EVC2: variants seen among roughly 807,000 people sequenced by gnomAD.
EVC2 encodes the protein EvC ciliary complex subunit 2.
Under a neutral mutation model 149.3 loss-of-function variants are expected in EVC2, and 148 were observed. The ratio of observed to expected loss-of-function variants is 0.99; its 90% CI spans 0.87 to 1.14. The LOEUF (loss-of-function observed/expected upper bound fraction) is 1.14. Among genes scored for constraint, EVC2 ranks in the 50% most tolerant of loss-of-function variants. EVC2 has a pLI of 0.00. For missense variants in EVC2, 1,854 were observed against 1,627.3 expected (o/e 1.14, Z -2.40); for synonymous variants, 776 against 649.9 (o/e 1.19, Z -2.95).
At position 5,618,754 on chromosome 4, in the gene EVC2, G is replaced by A. The variant is rs1715467857; in HGVS notation, c.2502-72C>T. The A allele has an allele frequency of 2.0e-5, 28 of 1,390,204 alleles. No individual in the cohort carries two copies. In the South Asian group the frequency reaches 3.5e-4, roughly 17 times the overall value. 86.1% of individuals were successfully genotyped at this position (1,390,204 alleles called of 1,614,324 possible). On this transcript the variant is annotated intron_variant, in intron 14 of 21. Coordinates refer to ENST00000344408, the MANE Select transcript of EVC2 (RefSeq NM_147127.5). The surrounding 1 kb of genome is among the most constrained non-coding windows in gnomAD (Gnocchi z 4.4). ...GGGCTGGGCTGGGGTGAAGAAGCCA[G>A]AGATGCAAAGCTCATTCCTCATATC...
intron 16 of EVC2, among the ~76,000 whole-genome samples, chr4:5,596,858 C>T (rs1399658549): frequency 5.3e-5 from 8 of 152,136 alleles, no homozygotes; most frequent in East Asian, 1.9e-4. Context: ...ATCAAATACA[C>T]GCAATAAAAA....
intron 10 of EVC2, 122 bp from the exon 11 acceptor site, chr4:5,632,154 A>G: frequency 7.7e-7 from 1 of 1,298,130 alleles, no homozygotes; most frequent in Non-Finnish European, 1.1e-6. Context: ...ACACAGATGC[A>G]TGCACATATG....
intron 9 of EVC2, among the ~76,000 whole-genome samples, chr4:5,645,428 T>C (rs1406398416): frequency 1.3e-5 from 2 of 151,448 alleles, no homozygotes; most frequent in African/African-American, 4.9e-5. Flanking sequence ...CACCCTCTGA[T>C]AGGCCCTAAT....
At chr4:5,534,818 G>GAAAAA in the EVC2 span, among the ~76,000 whole-genome samples, 3 of 66,842 alleles carry the variant, frequency 4.5e-5, no homozygotes, top group East Asian at 4.2e-4. Flanking sequence ...CATCTGGTAG[G>GAAAAA]AAAAAAAAAA....
intron 4 of EVC2, 121 bp from the exon 5 acceptor site, chr4:5,689,464 G>C: frequency 1.0e-6 from 1 of 990,692 alleles, no homozygotes. Flanking sequence ...GCACGGTCTC[G>C]CAGAGGGCCT....
chr4:5,578,135 C>T lies in EVC2; in HGVS notation c.3058-1681G>A, dbSNP rs192136061. On this transcript the variant is annotated intron_variant, in intron 17 of 21. Transcript: ENST00000344408. ...CCTGCCACCTGGAACAACTTGAATC[C>T]AAAACTTGGTTCTGGAATTGTCTTC... is the stretch of plus-strand genomic sequence containing the variant. Among the ~76,000 whole-genome samples, 24 of 152,284 alleles carry T rather than the reference C, an allele frequency of 1.6e-4. 1 individual carries two copies. The highest frequency in any genetic ancestry group is 7.2e-4 in the Admixed American group (11 of 15,300).
At chr4:5,592,951 G>A (rs1560147220) in intron 16 of EVC2, among the ~76,000 whole-genome samples, 1 of 152,146 alleles carries the variant, frequency 6.6e-6, no homozygotes, top group African/African-American at 2.4e-5. Flanking sequence ...ACTGAATCAT[G>A]GGGGTGATTA....
chr4:5,697,259 C>T (rs1721535392), intron 2 of EVC2, among the ~76,000 whole-genome samples: 1 of 152,164 alleles, frequency 6.6e-6, no homozygotes, highest in Non-Finnish European at 1.5e-5. Flanking sequence ...CGTGTGTGGT[C>T]GAAGCCACTG....
rs1004382597 is a variant in EVC2, at chr4:5,679,104, A to AT, written c.870+2155dup. On this transcript the variant is annotated intron_variant, in intron 7 of 21. Transcript: ENST00000344408. The surrounding 1 kb of genome is among the most constrained non-coding windows in gnomAD (Gnocchi z 5.1). ...AATACACTCGTATAGGAAATGTATC[A>AT]TAACTCGAGCTTGCAGGTCTGGAAG... 6.6e-6 allele frequency among the ~76,000 whole-genome samples: 1 copy of AT among 152,176 alleles called. No homozygotes were observed. The highest frequency in any genetic ancestry group is 1.5e-5 in the Non-Finnish European group (1 of 68,036).
Position 5,574,677 on chromosome 4 carries a change from CT to C in EVC2, c.3360+7del. On this transcript the variant is annotated splice_region_variant and intron_variant, in intron 19 of 21. Coordinates refer to ENST00000344408, the MANE Select transcript of EVC2 (RefSeq NM_147127.5). ...GGGTGGCCTCAGACCCTGCCAGTACCTTCTCACCTGGCTGCACAGGGTTGCA... is the reference window on the plus strand; with the variant it reads ...GGGTGGCCTCAGACCCTGCCAGTACCTCTCACCTGGCTGCACAGGGTTGCA... The C allele has an allele frequency of 6.2e-7, 1 of 1,614,028 alleles. No homozygotes were observed. The highest frequency in any genetic ancestry group is 8.5e-7 in the Non-Finnish European group (1 of 1,179,896).
intron 9 of EVC2, among the ~76,000 whole-genome samples, chr4:5,650,671 A>AGCGC (rs1553843789): frequency 5.9e-5 from 6 of 102,454 alleles, no homozygotes; most frequent in African/African-American, 7.7e-5. Flanking sequence ...AGAGAGAGAG[A>AGCGC]GCCATTTAAT....
chr4:5,680,133 TA>T (rs953955170), intron 7 of EVC2, among the ~76,000 whole-genome samples: 4 of 152,188 alleles, frequency 2.6e-5, no homozygotes, highest in Non-Finnish European at 2.9e-5. Flanking sequence ...AACAATGCCT[TA>T]TTCTAGAATC....
At position 5,657,390 on chromosome 4, in the gene EVC2, CCA is replaced by C. The variant is rs963795788; in HGVS notation, c.1145+5715_1145+5716del. 3.3e-5 allele frequency among the ~76,000 whole-genome samples: 5 copies of C among 152,090 alleles called. No individual in the cohort carries two copies. Among genetic ancestry groups the C allele is most frequent in the African/African-American group, 1.2e-4 (5 of 41,424 alleles). On this transcript the variant is annotated intron_variant, in intron 9 of 21. Transcript: ENST00000344408. This position sits in a 1 kb window ranked among gnomAD's most constrained non-coding sequence, Gnocchi z 4.7. ...TGACAGATGATGGCCCAACTCCTCTCCAGTCCTTCCATCAAACAGAATCTCCC... is the reference window on the plus strand; with the variant it reads ...TGACAGATGATGGCCCAACTCCTCTCGTCCTTCCATCAAACAGAATCTCCC...
At chr4:5,606,426 G>T (rs556698840) in intron 16 of EVC2, among the ~76,000 whole-genome samples, 2 of 152,282 alleles carry the variant, frequency 1.3e-5, no homozygotes, top group Non-Finnish European at 2.9e-5. Context: ...GCATCACCTT[G>T]GTAGTGGGAG....
intron 9 of EVC2, among the ~76,000 whole-genome samples, chr4:5,658,337 G>A (rs1718661803): frequency 6.6e-6 from 1 of 152,076 alleles, no homozygotes; most frequent in Admixed American, 6.6e-5. Flanking sequence ...AACTTCCCTG[G>A]GCTTCAAGTT....
chr4:5,533,247 C>T, the EVC2 span, among the ~76,000 whole-genome samples: 2 of 152,044 alleles, frequency 1.3e-5, no homozygotes, highest in Non-Finnish European at 2.9e-5. Flanking sequence ...GTGAAGGTCT[C>T]GCTGAGATGG....
intron 19 of EVC2, among the ~76,000 whole-genome samples, chr4:5,570,539 T>C (rs1722579888): frequency 6.6e-6 from 1 of 152,222 alleles, no homozygotes; most frequent in Non-Finnish European, 1.5e-5. Context: ...ACTTTTACAC[T>C]GCTGGCAGGA....
At position 5,618,184 on chromosome 4, in the gene EVC2, C is replaced by A. The variant is rs1163830700; in HGVS notation, c.2706+294G>T. Among the ~76,000 whole-genome samples the A allele has an allele frequency of 2.0e-5, 3 of 152,186 alleles. No individual in the cohort carries two copies. Among genetic ancestry groups the A allele is most frequent in the African/African-American group, 7.2e-5 (3 of 41,444 alleles). On this transcript the variant is annotated intron_variant, in intron 15 of 21. Transcript: ENST00000344408. The surrounding 1 kb of genome is among the most constrained non-coding windows in gnomAD (Gnocchi z 4.4). ...AGACAGAGTAATATCTCAGGCCAGG[C>A]AGCTTCCCTCAGGAGATTGTGGCTG...
chr4:5,650,553 C>T (rs371341014), intron 9 of EVC2, among the ~76,000 whole-genome samples: 2 of 146,662 alleles, frequency 1.4e-5, no homozygotes, highest in Admixed American at 7.0e-5. Flanking sequence ...ACGAAAGTCA[C>T]TGAGAGGATT....
Sources: allele counts gnomAD v4.1 joint callset (sites outside exome capture counted in the v4.1 genomes callset), GRCh38; gene constraint gnomAD v4.1.1; non-coding constraint Gnocchi (gnomAD v3.1); transcripts MANE v1.5; gene names NCBI Gene and HGNC (gene_info 2026-07-23, HGNC 2026-07-21).